Variants in H2BC18 observed in about 807,000 individuals in gnomAD.
H2BC18 encodes histone H2B type 2-F.
In H2BC18, 8 loss-of-function variants were observed where a neutral mutation model predicts 6.3. That is an observed-to-expected ratio of 1.28 (90% CI 0.75 to 2.31). H2BC18 has a LOEUF of 2.31. H2BC18 is among the 30% of genes most tolerant of loss of function. The pLI, the probability that H2BC18 is intolerant of heterozygous loss-of-function variation, is 0.00. For synonymous variants in H2BC18, 104 were observed against 78.1 expected, an observed-to-expected ratio of 1.33 and a Z score of -1.75; for missense variants, 106 against 174.5, an observed-to-expected ratio of 0.61 and a Z score of 2.21.
Position 149,811,905 on chromosome 1 carries a change from G to C in H2BC18, c.*38C>G. On this transcript the variant is annotated 3_prime_UTR_variant, in exon 1 of 1. Transcript: ENST00000369167. ...GAAGTGGCTCTGAAAAGAGCCTTTGGGGTTAGGTGGTTGATCTATTGCGTC... is the reference window on the plus strand; with the variant it reads ...GAAGTGGCTCTGAAAAGAGCCTTTGCGGTTAGGTGGTTGATCTATTGCGTC... 1 of 1,556,524 alleles carries C rather than the reference G, an allele frequency of 6.4e-7. No homozygotes were observed.
chr1:149,806,277 TG>T (rs1381182365), intron 1 of H2BC18, among the ~76,000 whole-genome samples: 1 of 152,102 alleles, frequency 6.6e-6, no homozygotes, highest in East Asian at 1.9e-4. Flanking sequence ...AGTATTCAGA[TG>T]GTATATGGAG....
chr1:149,810,321 C>G (rs1553754265), downstream of H2BC18: 1 of 151,826 alleles, frequency 6.6e-6, no homozygotes, highest in Non-Finnish European at 1.5e-5. Context: ...TCTCAGTTAT[C>G]TTTCCCTGAC....
At position 149,812,218 on chromosome 1, in the gene H2BC18, C is replaced by T. The variant is rs1553754604; in HGVS notation, c.106G>A (p.Glu36Lys). ...DGKKRKRSRK[E>K]SYSVYVYKVL... ...TTGTACACGTAAACGGAGTAGCTCTCCTTGCGGCTGCGCTTGCGCTTCTTG... is the reference window on the plus strand; with the variant it reads ...TTGTACACGTAAACGGAGTAGCTCTTCTTGCGGCTGCGCTTGCGCTTCTTG... Residue 36 changes from glutamate (E) to lysine (K), a missense_variant, in exon 1 of 1, where the codon GAG becomes AAG. Physicochemically the swap from Glu to Lys is moderately conservative, Grantham distance 56. Around this residue, in one of 3 missense-constraint regions of H2BC18, gnomAD observed 70 missense variants for 64.6 expected, o/e 1.08. Transcript: ENST00000369167. The T allele has an allele frequency of 6.2e-7, 1 of 1,614,288 alleles. No homozygotes were observed. The highest frequency in any genetic ancestry group is 8.5e-7 in the Non-Finnish European group (1 of 1,180,052).
intron 1 of H2BC18, among the ~76,000 whole-genome samples, chr1:149,799,756 T>C (rs1363785161): frequency 6.6e-6 from 1 of 152,248 alleles, no homozygotes; most frequent in Non-Finnish European, 1.5e-5. Context: ...TGCATGCATC[T>C]TTTTATATGG....
intron 1 of H2BC18, chr1:149,791,227 T>G (rs2091702945): frequency 6.2e-7 from 1 of 1,605,826 alleles, no homozygotes; most frequent in African/African-American, 1.3e-5. Flanking sequence ...TTTGTCTTTT[T>G]CTGTTTCAGG....
intron 1 of H2BC18, among the ~76,000 whole-genome samples, chr1:149,793,600 G>C (rs2091764865): frequency 6.6e-6 from 1 of 151,810 alleles, no homozygotes; most frequent in Admixed American, 6.5e-5. Context: ...GACCTACCGA[G>C]GCTTCACCTG....
chr1:149,811,610 G>A (rs2091974612), downstream of H2BC18: 1 of 379,576 alleles, frequency 2.6e-6, no homozygotes, highest in Non-Finnish European at 4.9e-6. Context: ...ACAGGTTAAA[G>A]GCCGAAGGGG....
intron 1 of H2BC18, among the ~76,000 whole-genome samples, chr1:149,806,257 TA>T (rs1317164335): frequency 2.0e-5 from 3 of 152,064 alleles, no homozygotes; most frequent in Non-Finnish European, 4.4e-5. Flanking sequence ...AATAAACAAA[TA>T]AATACATTAG....
At chr1:149,790,810 A>G (rs1389334642) in intron 1 of H2BC18, among the ~76,000 whole-genome samples, 12 of 151,258 alleles carry the variant, frequency 7.9e-5, no homozygotes, top group Admixed American at 7.9e-4. Flanking sequence ...GGAGCTCACA[A>G]GGTGGATTTA....
Position 149,812,333 on chromosome 1 carries a change from A to G in H2BC18, c.-10T>C. ...TCGCTGGATCCGGCATTTTTGCGCG[A>G]AAAAAGAGAAAAGAGACTTAAAGAA... On this transcript the variant is annotated 5_prime_UTR_variant, in exon 1 of 1. Transcript: ENST00000369167. 6.2e-7 allele frequency: 1 copy of G among 1,614,008 alleles called. No individual in the cohort carries two copies. The highest frequency in any genetic ancestry group is 8.5e-7 in the Non-Finnish European group (1 of 1,179,980).
At chr1:149,801,990 C>T (rs1242712375) in intron 1 of H2BC18, among the ~76,000 whole-genome samples, 108 of 152,030 alleles carry the variant, frequency 7.1e-4, no homozygotes, top group Non-Finnish European at 7.1e-4. Context: ...TTCTCTTAGA[C>T]AAATGAAAAA....
At chr1:149,790,360 C>T (rs1161354647) in intron 1 of H2BC18, 35 of 1,577,450 alleles carry the variant, frequency 2.2e-5, no homozygotes, top group Middle Eastern at 2.2e-4. Context: ...TGACGGGAAG[C>T]CACTGGCACA....
At chr1:149,789,667 C>T (rs6587579) in intron 1 of H2BC18, among the ~76,000 whole-genome samples, 1,717 of 152,242 alleles carry the variant, frequency 0.011, 22 homozygotes, top group African/African-American at 0.039. Flanking sequence ...CAATCAGTGG[C>T]AACATTAGAT....
chr1:149,791,333 G>A lies in H2BC18; in HGVS notation c.378-8073C>T, dbSNP rs782220562. The A allele has an allele frequency of 4.7e-5, 75 of 1,589,490 alleles. 10 individuals carry two copies. The East Asian group carries it at 1.1e-3, about 23-fold the overall frequency. On this transcript the variant is annotated intron_variant, in intron 1 of 1. Transcript: ENST00000545683. ...AACACTGTTCTCTGGGTGACAATAC[G>A]TAAAGAACTGAAAAGAAAGAAAAAG...
chr1:149,797,355 C>T (rs2091811572), intron 1 of H2BC18, among the ~76,000 whole-genome samples: 1 of 152,062 alleles, frequency 6.6e-6, no homozygotes, highest in Admixed American at 6.6e-5. Context: ...ATTTTGTCTA[C>T]ATTCGCAAAT....
chr1:149,805,338 G>A (rs587704517), intron 1 of H2BC18: 1 of 152,196 alleles, frequency 6.6e-6, no homozygotes, highest in South Asian at 2.1e-4. Context: ...GACTATAATT[G>A]TCCATCTTCA....
intron 1 of H2BC18, among the ~76,000 whole-genome samples, chr1:149,790,664 TTCTC>T (rs57604922): frequency 0.039 from 5,707 of 145,888 alleles, 163 homozygotes; most frequent in East Asian, 0.12. Context: ...TGACCCCCCC[TTCTC>T]TCTCTCTCTC....
chr1:149,790,049 C>T, intron 1 of H2BC18: 1 of 1,613,496 alleles, frequency 6.2e-7, no homozygotes, highest in Non-Finnish European at 8.5e-7. Context: ...CAACTTTCTC[C>T]TTAGAGCTAT....
chr1:149,812,196 T>C lies in H2BC18; in HGVS notation c.128A>G (p.Tyr43Cys). The change falls in exon 1 of 1, where the codon TAC becomes TGC. Residue 43 changes from tyrosine (Y) to cysteine (C), a missense_variant. By Grantham distance (194) the Tyr-to-Cys change is radical (BLOSUM62 -2). Transcript: ENST00000369167. ...SRKESYSVYV[Y>C]KVLKQVHPDT... ...GGGGTGGACCTGCTTCAGCACCTTGTACACGTAAACGGAGTAGCTCTCCTT... is the reference window on the plus strand; with the variant it reads ...GGGGTGGACCTGCTTCAGCACCTTGCACACGTAAACGGAGTAGCTCTCCTT... The C allele has an allele frequency of 2.5e-6, 4 of 1,614,278 alleles. No individual in the cohort carries two copies. Among genetic ancestry groups the C allele is most frequent in the East Asian group, 2.2e-5 (1 of 44,890 alleles).
Sources: gnomAD v4.1 joint callset for allele counts (sites outside exome capture counted in the v4.1 genomes callset) on GRCh38, gnomAD v4.1.1 for gene constraint, gnomAD v4.1.1 regional missense constraint, MANE v1.5 for transcripts, NCBI Gene and HGNC (gene_info 2026-07-23, HGNC 2026-07-21) for gene names.